PDSS2: variants seen among roughly 807,000 people sequenced by gnomAD.
PDSS2 encodes the protein all trans-polyprenyl-diphosphate synthase PDSS2.
Under a neutral mutation model 44.5 loss-of-function variants are expected in PDSS2, and 31 were observed. The ratio of observed to expected loss-of-function variants is 0.70; its 90% CI spans 0.52 to 0.94. The LOEUF (loss-of-function observed/expected upper bound fraction) is 0.94, where lower values mean the gene tolerates loss of function less well. PDSS2 is among the 40% of genes least tolerant of loss of function. PDSS2 has a pLI of 0.00. For missense variants in PDSS2, 452 were observed against 482.2 expected (o/e 0.94, Z 0.59); for synonymous variants, 157 against 180.3 (o/e 0.87, Z 1.03).
chr6:107,366,638 A>G (rs938088491), intron 1 of PDSS2, among the ~76,000 whole-genome samples: 1 of 152,064 alleles, frequency 6.6e-6, no homozygotes, highest in Non-Finnish European at 1.5e-5. Flanking sequence ...CAGGAATGAA[A>G]AAAGATCACA....
At chr6:107,284,133 T>G (rs575894376) in intron 2 of PDSS2, among the ~76,000 whole-genome samples, 4 of 152,184 alleles carry the variant, frequency 2.6e-5, no homozygotes, top group African/African-American at 9.6e-5. Flanking sequence ...AATGGAGCCT[T>G]CTTTCTCTCT....
At chr6:107,202,885 A>T (rs138553532) in intron 6 of PDSS2, among the ~76,000 whole-genome samples, 1 of 152,046 alleles carries the variant, frequency 6.6e-6, no homozygotes, top group African/African-American at 2.4e-5. Context: ...GAGATACTAG[A>T]TATACTAGAG....
At chr6:107,218,260 G>C (rs1439554827) in intron 4 of PDSS2, among the ~76,000 whole-genome samples, 4 of 152,126 alleles carry the variant, frequency 2.6e-5, no homozygotes, top group African/African-American at 9.7e-5. Flanking sequence ...CCAACTGCCA[G>C]GGTGACCTTT....
At chr6:107,212,020 TA>T in intron 5 of PDSS2, 88 bp downstream of exon 5, 1 of 1,097,236 alleles carries the variant, frequency 9.1e-7, no homozygotes, top group Non-Finnish European at 1.4e-6. Context: ...TTTTGAAATA[TA>T]AAAGAAGCTT....
chr6:107,221,267 G>C (rs1773593468), intron 4 of PDSS2, among the ~76,000 whole-genome samples: 2 of 145,712 alleles, frequency 1.4e-5, no homozygotes, highest in African/African-American at 5.1e-5. Flanking sequence ...GCGTGAACCT[G>C]GGAGGCGGAG....
intron 2 of PDSS2, among the ~76,000 whole-genome samples, chr6:107,326,123 G>A (rs1777537563): frequency 7.2e-6 from 1 of 139,260 alleles, no homozygotes; most frequent in Non-Finnish European, 1.5e-5. Flanking sequence ...TTTTTTTTGA[G>A]ACAGAGTCTT....
chr6:107,197,725 C>A, intron 6 of PDSS2: 1 of 433,922 alleles, frequency 2.3e-6, no homozygotes. Flanking sequence ...GGTCAAACAG[C>A]TCAACACTGA....
At chr6:107,390,646 A>C (rs1006819788) in intron 1 of PDSS2, among the ~76,000 whole-genome samples, 2 of 152,138 alleles carry the variant, frequency 1.3e-5, no homozygotes, top group Non-Finnish European at 2.9e-5. Context: ...AGTTTTGACA[A>C]ATGTAACATG....
At chr6:107,216,277 A>G (rs2114656589) in intron 4 of PDSS2, among the ~76,000 whole-genome samples, 1 of 152,240 alleles carries the variant, frequency 6.6e-6, no homozygotes, top group East Asian at 1.9e-4. Context: ...GTTTGAGACC[A>G]GCCTGACCAA....
At chr6:107,172,004 T>C (rs1311373344) in intron 7 of PDSS2, among the ~76,000 whole-genome samples, 4 of 152,172 alleles carry the variant, frequency 2.6e-5, no homozygotes, top group African/African-American at 9.7e-5. Flanking sequence ...TTCTCTGATA[T>C]AGCACTTTAG....
chr6:107,444,755 A>G lies in PDSS2; in HGVS notation c.296+14235T>C, dbSNP rs370687328. On this transcript the variant is annotated intron_variant, in intron 1 of 7. Coordinates refer to ENST00000369037, the MANE Select transcript of PDSS2 (RefSeq NM_020381.4). ...AGAATTTTACCATGCAGAAAGGACT[A>G]ATGAGGTTTTTTAGGTAGCCAAATA... Among the ~76,000 whole-genome samples, 18 of 152,292 alleles carry G rather than the reference A, an allele frequency of 1.2e-4. No individual in the cohort carries two copies. In the East Asian group the frequency reaches 3.1e-3, roughly 26 times the overall value.
Position 107,154,516 on chromosome 6 carries a change from G to T in PDSS2, c.*103C>A. On this transcript the variant is annotated 3_prime_UTR_variant, in exon 8 of 8. Coordinates refer to ENST00000369037, the MANE Select transcript of PDSS2 (RefSeq NM_020381.4). Reference sequence around the variant, plus strand: ...CAATGTGATAAAAGGAAGGAAAAATGCATATGTTTTAAAAGTCATTAACGC... The same window carrying T: ...CAATGTGATAAAAGGAAGGAAAAATTCATATGTTTTAAAAGTCATTAACGC... 9.6e-7 allele frequency: 1 copy of T among 1,039,062 alleles called. No individual in the cohort carries two copies. The highest frequency in any genetic ancestry group is 1.5e-6 in the Non-Finnish European group (1 of 670,664). The allele number at this position is 1,039,062 out of a possible 1,614,324, so 64.4% of individuals were successfully genotyped here. A position where few individuals can be genotyped will look rare whatever the true frequency, so the allele number is the denominator to read the frequency against.
chr6:107,197,480 CAAAAAAA>C (rs1211356401), intron 6 of PDSS2, among the ~76,000 whole-genome samples: 1,149 of 82,418 alleles, frequency 0.014, 22 homozygotes, highest in African/African-American at 0.048. Flanking sequence ...ACCCCCATCT[CAAAAAAA>C]AAAAAAAAAA....
chr6:107,280,019 C>T (rs1775908146), intron 2 of PDSS2, among the ~76,000 whole-genome samples: 1 of 152,040 alleles, frequency 6.6e-6, no homozygotes, highest in Non-Finnish European at 1.5e-5. Flanking sequence ...GTCTTCATGC[C>T]GATTTATGTA....
At chr6:107,283,850 G>C (rs1776052091) in intron 2 of PDSS2, among the ~76,000 whole-genome samples, 1 of 151,390 alleles carries the variant, frequency 6.6e-6, no homozygotes, top group Non-Finnish European at 1.5e-5. Flanking sequence ...CTGACCAACA[G>C]GGAGAAACTC....
At chr6:107,323,895 G>C (rs1011078111) in intron 2 of PDSS2, among the ~76,000 whole-genome samples, 1 of 152,094 alleles carries the variant, frequency 6.6e-6, no homozygotes, top group African/African-American at 2.4e-5. Flanking sequence ...GATTAGGCAG[G>C]CTAATCTATA....
At chr6:107,230,325 T>C (rs1774000657) in intron 4 of PDSS2, among the ~76,000 whole-genome samples, 1 of 151,932 alleles carries the variant, frequency 6.6e-6, no homozygotes, top group Non-Finnish European at 1.5e-5. Flanking sequence ...AGGATTGACA[T>C]TCCACTACTA....
chr6:107,185,185 G>T (rs1018212297), intron 7 of PDSS2, among the ~76,000 whole-genome samples: 1 of 148,306 alleles, frequency 6.7e-6, no homozygotes, highest in Non-Finnish European at 1.5e-5. Context: ...AAGAAGAGAA[G>T]AAGAAAGACT....
chr6:107,302,478 G>T (rs1435335944), intron 2 of PDSS2, among the ~76,000 whole-genome samples: 3 of 151,834 alleles, frequency 2.0e-5, no homozygotes, highest in Non-Finnish European at 2.9e-5. Context: ...ATGTTGCCGA[G>T]GCTGGTTTCA....
Sources: gnomAD v4.1 joint callset for allele counts (sites outside exome capture counted in the v4.1 genomes callset) on GRCh38, gnomAD v4.1.1 for gene constraint, MANE v1.5 for transcripts, NCBI Gene and HGNC (gene_info 2026-07-23, HGNC 2026-07-21) for gene names.